The following CELF3 variants were observed in gnomAD, a reference collection of about 807,000 sequenced individuals.
The protein encoded by CELF3 is CUGBP Elav-like family member 3.
A neutral mutation model predicts 59.6 loss-of-function variants in CELF3; 26 were observed. The ratio of observed to expected loss-of-function variants is 0.44; its 90% CI spans 0.32 to 0.61. The LOEUF (loss-of-function observed/expected upper bound fraction) is 0.61, where lower values mean the gene tolerates loss of function less well. CELF3 is among the 20% of genes least tolerant of loss of function. The pLI is 0.06. For missense variants in CELF3, 387 were observed against 627.2 expected, an observed-to-expected ratio of 0.62 and a Z score of 4.09; for synonymous variants, 245 against 250.7, an observed-to-expected ratio of 0.98 and a Z score of 0.22.
intron 5 of CELF3, 85 bp from the exon 6 acceptor site, chr1:151,708,020 C>A (rs1241741996): frequency 6.8e-7 from 1 of 1,460,688 alleles, no homozygotes; most frequent in South Asian, 1.3e-5. Flanking sequence ...CTCCATTCCA[C>A]CCCCATGGCA....
Position 151,705,877 on chromosome 1 carries a change from G to A in CELF3, c.1215C>T (p.His405=), listed in dbSNP as rs770094170. Residue 405 remains histidine (H), a synonymous_variant, in exon 11 of 13, where the codon CAC becomes CAT. Transcript: ENST00000290583. This position sits in a 1 kb window ranked among gnomAD's most constrained non-coding sequence, Gnocchi z 5.1. ...EILQMFVPFG[H]VISAKVFVDR... ...CAACAAAGACTTTGGCTGAGATGAC[G>A]TGGCCAAAGGGGACAAACATCTGGA... is the stretch of plus-strand genomic sequence containing the variant. 21 of 1,614,042 alleles carry A rather than the reference G, an allele frequency of 1.3e-5. No homozygotes were observed. Among genetic ancestry groups the A allele is most frequent in the Admixed American group, 5.0e-5 (3 of 60,006 alleles).
rs79991258 is a variant in CELF3 at position 151,716,048 on chromosome 1, G to A, written c.-28C>T. 4,487 of 1,586,350 alleles carry A rather than the reference G, an allele frequency of 2.8e-3. 117 individuals carry two copies. The African/African-American group carries it at 0.055, about 19-fold the overall frequency. On this transcript the variant is annotated 5_prime_UTR_variant, in exon 1 of 13. Coordinates refer to ENST00000290583, the MANE Select transcript of CELF3 (RefSeq NM_007185.7). Reference sequence around the variant, plus strand: ...AGGCGGCCCAGGAGGAGGGGCCGAGGGGAGCAGGGAGAGGCCCAAAGGCCA... The same window carrying A: ...AGGCGGCCCAGGAGGAGGGGCCGAGAGGAGCAGGGAGAGGCCCAAAGGCCA...
rs181162482 is a variant in CELF3 at position 151,701,367 on chromosome 1, C to T, written c.*2092G>A. Among the ~76,000 whole-genome samples, 643 of 152,218 alleles carry T rather than the reference C, an allele frequency of 4.2e-3. 3 individuals carry two copies. Among genetic ancestry groups the T allele is most frequent in the Admixed American group, 6.2e-3 (95 of 15,290 alleles). ...ATCCTGAGCCTGCCCTAAAGCAGCT[C>T]ACAGAGAAGAATCTAGGAAGTGGAG... On this transcript the variant is annotated 3_prime_UTR_variant, in exon 13 of 13. Coordinates refer to ENST00000290583, the MANE Select transcript of CELF3 (RefSeq NM_007185.7).
At chr1:151,710,375 A>G in intron 2 of CELF3, 1 of 293,348 alleles carries the variant, frequency 3.4e-6, no homozygotes, top group South Asian at 3.1e-5. Flanking sequence ...GCACCATGGC[A>G]ACCGCCCACT....
intron 2 of CELF3, chr1:151,710,334 A>G (rs914298234): frequency 3.5e-6 from 1 of 282,022 alleles, no homozygotes; most frequent in Non-Finnish European, 7.1e-6. Flanking sequence ...AAGGGAGCAG[A>G]TGCCCAGTCT....
At chr1:151,703,496 G>A in intron 12 of CELF3, 48 bp from the exon 13 acceptor site, 1 of 332,920 alleles carries the variant, frequency 3.0e-6, no homozygotes, top group Non-Finnish European at 6.0e-6. Flanking sequence ...GACCCCCGAT[G>A]CGGATCACGG....
intron 1 of CELF3, chr1:151,715,480 A>G: frequency 1.7e-6 from 1 of 593,372 alleles, no homozygotes; most frequent in Non-Finnish European, 2.8e-6. Context: ...CCCCATCCCA[A>G]TATTATCTGA....
intron 10 of CELF3, 105 bp downstream of exon 10, chr1:151,706,119 C>T (rs1356028642): frequency 1.2e-6 from 2 of 1,601,976 alleles, no homozygotes; most frequent in East Asian, 2.2e-5. Context: ...TCCCCACTTG[C>T]TTTCATCCTG....
intron 9 of CELF3, 59 bp from the exon 10 acceptor site, chr1:151,706,420 G>A: frequency 6.8e-7 from 1 of 1,478,638 alleles, no homozygotes; most frequent in Non-Finnish European, 9.1e-7. Context: ...AGCCCTCCCA[G>A]CCAACCCTGT....
chr1:151,714,804 G>A (rs916015531), intron 1 of CELF3, 128 bp from the exon 2 acceptor site: 35 of 696,402 alleles, frequency 5.0e-5, no homozygotes, highest in African/African-American at 1.1e-4. Context: ...GCCTGCTGGG[G>A]TAGAGAGGTG....
At position 151,707,225 on chromosome 1, in the gene CELF3, C is replaced by T; in HGVS notation, c.842G>A (p.Gly281Asp). 6.4e-7 allele frequency: 1 copy of T among 1,550,826 alleles called. No individual in the cohort carries two copies. Among genetic ancestry groups the T allele is most frequent in the East Asian group, 2.4e-5 (1 of 42,188 alleles). ...SAIPAALGVN[G>D]YSPVPTQPTG... ...GGGCTGGGTGGGCACCGGGCTGTAG[C>T]CGTTGACGCCCAGGGCAGCCGGAAT... Residue 281 changes from glycine to aspartate, a missense_variant, in exon 8 of 13, where the codon GGC (glycine) becomes GAC (aspartate). Around this residue, in one of 3 missense-constraint regions of CELF3, gnomAD observed 131 missense variants for 153.7 expected, o/e 0.85. Coordinates refer to ENST00000290583, the MANE Select transcript of CELF3 (RefSeq NM_007185.7).
chr1:151,714,453 G>C lies in CELF3; in HGVS notation c.228+141C>G, dbSNP rs564960616. On this transcript the variant is annotated intron_variant, in intron 2 of 12. Transcript: ENST00000290583. ...AAATGCATGCATCTACAGCAAGAAA[G>C]ATGGATGCTACAGAGAGAGAGGGGG... 2.1e-3 allele frequency: 1,546 copies of C among 723,002 alleles called. 37 individuals are homozygous for C. In the South Asian group the frequency reaches 0.023, roughly 11 times the overall value. 44.8% of individuals were successfully genotyped at this position (723,002 alleles called of 1,614,324 possible).
At chr1:151,714,740 AG>A in intron 1 of CELF3, 64 bp from the exon 2 acceptor site, 1 of 1,180,342 alleles carries the variant, frequency 8.5e-7, no homozygotes, top group East Asian at 2.6e-5. Flanking sequence ...CCTCTCTGAA[AG>A]GCTCCCTTCC....
intron 7 of CELF3, 104 bp downstream of exon 7, chr1:151,707,403 C>T (rs1672656244): frequency 1.3e-6 from 2 of 1,542,456 alleles, no homozygotes; most frequent in Admixed American, 2.0e-5. Flanking sequence ...CCTCTCTGAC[C>T]CCTGAGTCCC....
intron 8 of CELF3, 127 bp downstream of exon 8, chr1:151,707,018 C>T: frequency 8.7e-7 from 1 of 1,156,050 alleles, no homozygotes; most frequent in Non-Finnish European, 1.2e-6. Flanking sequence ...CATCCCCGCC[C>T]AGGATGGCAG....
Position 151,703,146 on chromosome 1 carries a change from G to A in CELF3, c.*313C>T, listed in dbSNP as rs1165596104. 1 of 460,572 alleles carries A rather than the reference G, an allele frequency of 2.2e-6. No homozygotes were observed. The highest frequency in any genetic ancestry group is 2.3e-5 in the Admixed American group (1 of 43,016). The allele number at this position is 460,572 out of a possible 1,614,324, so 28.5% of individuals were successfully genotyped here. A position where few individuals can be genotyped will look rare whatever the true frequency, so the allele number is the denominator to read the frequency against. The stretch of plus-strand genomic sequence containing the variant: ...GAGGCAAGTACAAACGCTGGGTACA[G>A]AAGGCCTGTCACAGGAGCCCAGCAG... On this transcript the variant is annotated 3_prime_UTR_variant, in exon 13 of 13. Coordinates refer to ENST00000290583, the MANE Select transcript of CELF3 (RefSeq NM_007185.7).
At chr1:151,713,798 C>A (rs1265419210) in intron 2 of CELF3, among the ~76,000 whole-genome samples, 1 of 152,192 alleles carries the variant, frequency 6.6e-6, no homozygotes, top group African/African-American at 2.4e-5. Flanking sequence ...GGATTTGCCG[C>A]AGTTGGCTTT....
At position 151,706,364 on chromosome 1, in the gene CELF3, G is replaced by A. The variant is rs1423050376; in HGVS notation, c.989-3C>T. The A allele has an allele frequency of 2.6e-6, 4 of 1,545,322 alleles. No homozygotes were observed. The highest frequency in any genetic ancestry group is 1.4e-5 in the African/African-American group (1 of 73,072). On this transcript the variant is annotated splice_region_variant and splice_polypyrimidine_tract_variant and intron_variant, in intron 9 of 12. Coordinates refer to ENST00000290583, the MANE Select transcript of CELF3 (RefSeq NM_007185.7). ...GCTGTAGGCTGCTGGGTAGGCTGCT[G>A]GGGTGGGGAGAAGAGAGAGGCTGAT... is the stretch of plus-strand genomic sequence containing the variant.
chr1:151,700,331 T>G lies in CELF3; in HGVS notation c.*3128A>C, dbSNP rs553202203. On this transcript the variant is annotated 3_prime_UTR_variant, in exon 13 of 13. Coordinates refer to ENST00000290583, the MANE Select transcript of CELF3 (RefSeq NM_007185.7). ...AAGTAGTGTTTAAGGTGAACTGTTTTAGTGTGAGAAGGATTTCAACAAGAA... is the reference window on the plus strand; with the variant it reads ...AAGTAGTGTTTAAGGTGAACTGTTTGAGTGTGAGAAGGATTTCAACAAGAA... 2.0e-5 allele frequency among the ~76,000 whole-genome samples: 3 copies of G among 152,190 alleles called. No individual in the cohort carries two copies. The highest frequency in any genetic ancestry group is 2.0e-4 in the Admixed American group (3 of 15,276).
Sources: allele counts gnomAD v4.1 joint callset (sites outside exome capture counted in the v4.1 genomes callset), GRCh38; gene constraint gnomAD v4.1.1; regional missense constraint gnomAD v4.1.1; non-coding constraint Gnocchi (gnomAD v3.1); transcripts MANE v1.5; gene names NCBI Gene and HGNC (gene_info 2026-07-23, HGNC 2026-07-21).